The following DLGAP4 variants were observed in gnomAD, a reference collection of about 807,000 sequenced individuals.
The protein encoded by DLGAP4 is disks large-associated protein 4.
A neutral mutation model predicts 86.9 loss-of-function variants in DLGAP4; 18 were observed. That is an observed-to-expected ratio of 0.21 (90% confidence interval 0.14 to 0.31). The LOEUF is 0.31. Ranked by LOEUF, DLGAP4 falls within the 10% of genes least tolerant of loss-of-function variation. DLGAP4 has a pLI of 1.00. For synonymous variants in DLGAP4, 548 were observed against 574.3 expected (o/e 0.95, Z 0.65); for missense variants, 1,085 against 1,362.6 (o/e 0.80, Z 3.21).
At chr20:36,525,312 T>TA (rs2037677633) in intron 11 of DLGAP4, among the ~76,000 whole-genome samples, 1 of 144,586 alleles carries the variant, frequency 6.9e-6, no homozygotes. Context: ...TCTTACCTGT[T>TA]AGGAGGGCTG....
At chr20:36,465,207 A>G (rs1164623248) in intron 7 of DLGAP4, 1 of 143,876 alleles carries the variant, frequency 7.0e-6, no homozygotes, top group African/African-American at 2.6e-5. Flanking sequence ...TTAGATAACT[A>G]GGAAAGCACC....
intron 2 of DLGAP4, among the ~76,000 whole-genome samples, chr20:36,423,343 C>G (rs1278533726): frequency 3.4e-5 from 5 of 148,152 alleles, no homozygotes; most frequent in Non-Finnish European, 7.4e-5. Flanking sequence ...GTAATCCCAG[C>G]TATTGAGGAG....
chr20:36,386,198 C>T (rs984099972), intron 2 of DLGAP4, among the ~76,000 whole-genome samples: 3 of 152,112 alleles, frequency 2.0e-5, no homozygotes, highest in Non-Finnish European at 2.9e-5. Flanking sequence ...AGCAAGCAAG[C>T]GTGACACATT....
At chr20:36,484,801 G>A (rs1022054563) in intron 7 of DLGAP4, among the ~76,000 whole-genome samples, 9 of 152,254 alleles carry the variant, frequency 5.9e-5, no homozygotes, top group African/African-American at 1.9e-4. Context: ...AGCTGCTGCG[G>A]CAGTGATAGA....
At chr20:36,506,308 A>G (rs1291187) in intron 10 of DLGAP4, among the ~76,000 whole-genome samples, 86 of 152,316 alleles carry the variant, frequency 5.6e-4, no homozygotes, top group Non-Finnish European at 1.1e-3. Context: ...GAAGATGTTT[A>G]CCTGCAAAGG....
chr20:36,348,713 G>A (rs782683073), intron 1 of DLGAP4, among the ~76,000 whole-genome samples: 5 of 151,782 alleles, frequency 3.3e-5, no homozygotes, highest in East Asian at 1.9e-4. Context: ...CACTGCTCCC[G>A]GCTGAGCTTA....
At chr20:36,423,837 G>A (rs746520592) in intron 2 of DLGAP4, among the ~76,000 whole-genome samples, 36 of 151,854 alleles carry the variant, frequency 2.4e-4, no homozygotes, top group Non-Finnish European at 4.3e-4. Flanking sequence ...GCGCTCACCT[G>A]TAATCCCAGC....
chr20:36,332,502 C>G (rs1045419309), intron 1 of DLGAP4, among the ~76,000 whole-genome samples: 7 of 152,058 alleles, frequency 4.6e-5, no homozygotes, highest in Non-Finnish European at 1.0e-4. Flanking sequence ...CAGGTCTTCT[C>G]CCTCAGCCTC....
intron 10 of DLGAP4, among the ~76,000 whole-genome samples, chr20:36,517,002 G>A (rs968432604): frequency 2.0e-5 from 3 of 151,620 alleles, no homozygotes; most frequent in Non-Finnish European, 4.4e-5. Context: ...GCCTGACCTC[G>A]TGATCCGCCC....
At chr20:36,446,639 G>C in intron 6 of DLGAP4, 58 bp from the exon 7 acceptor site, 2 of 1,520,424 alleles carry the variant, frequency 1.3e-6, no homozygotes, top group African/African-American at 1.4e-5. Flanking sequence ...ACCAAGAACC[G>C]CTCCCCCCAG....
At chr20:36,477,288 T>C (rs887901047) in intron 7 of DLGAP4, among the ~76,000 whole-genome samples, 1 of 151,284 alleles carries the variant, frequency 6.6e-6, no homozygotes, top group African/African-American at 2.4e-5. Flanking sequence ...TAGAGAGGGG[T>C]TTCACCATGT....
At position 36,431,763 on chromosome 20, in the gene DLGAP4, C is replaced by T. The variant is rs2033136316; in HGVS notation, c.46C>T (p.Leu16=). ...CCGCCCCCGCCACCTCTCCGACAGC[C>T]TAGACCCACCCCACGAGCCCCTGTT... is the stretch of plus-strand genomic sequence containing the variant. The part of the protein sequence containing the change: ...DSRPRHLSDS[L]DPPHEPLFAG... The change falls in exon 3 of 13, where the codon CTA becomes TTA. Residue 16 remains leucine (L), a synonymous_variant. Transcript: ENST00000339266. The surrounding 1 kb of genome is among the most constrained non-coding windows in gnomAD (Gnocchi z 5.1). 7.4e-6 allele frequency: 12 copies of T among 1,612,058 alleles called. No homozygotes were observed. The highest frequency in any genetic ancestry group is 9.3e-6 in the Non-Finnish European group (11 of 1,179,160).
intron 4 of DLGAP4, among the ~76,000 whole-genome samples, chr20:36,438,885 C>G (rs1017417674): frequency 6.6e-6 from 1 of 151,928 alleles, no homozygotes; most frequent in African/African-American, 2.4e-5. Flanking sequence ...TCCCAAATTG[C>G]TGGGATTACA....
intron 10 of DLGAP4, chr20:36,508,872 C>T (rs985941794): frequency 3.3e-5 from 5 of 152,218 alleles, no homozygotes; most frequent in African/African-American, 1.2e-4. Context: ...TCTGATTGCT[C>T]TCCAAAGAGG....
intron 9 of DLGAP4, among the ~76,000 whole-genome samples, chr20:36,499,901 G>C (rs2036063461): frequency 1.3e-5 from 2 of 152,198 alleles, no homozygotes; most frequent in Non-Finnish European, 2.9e-5. Flanking sequence ...GCCATGGCTG[G>C]GCCAGGACAT....
At chr20:36,407,373 C>T (rs919491734) in intron 2 of DLGAP4, among the ~76,000 whole-genome samples, 4 of 152,146 alleles carry the variant, frequency 2.6e-5, no homozygotes, top group Non-Finnish European at 5.9e-5. Flanking sequence ...CCATTCACTT[C>T]TTCCTGCATT....
chr20:36,445,669 TACACAGCTGGGTGGG>T (rs1208209658), intron 6 of DLGAP4, among the ~76,000 whole-genome samples: 1 of 152,158 alleles, frequency 6.6e-6, no homozygotes, highest in Non-Finnish European at 1.5e-5. Context: ...GGCCTGAGGT[TACACAGCTGGGTGGG>T]ACACAGCTGG....
chr20:36,400,502 G>A (rs1490667222), intron 2 of DLGAP4, among the ~76,000 whole-genome samples: 3 of 152,182 alleles, frequency 2.0e-5, no homozygotes, highest in East Asian at 1.9e-4. Flanking sequence ...TTTAAATTAC[G>A]TGTGTAGGTA....
At chr20:36,427,112 G>C (rs2032995161) in intron 2 of DLGAP4, among the ~76,000 whole-genome samples, 1 of 152,086 alleles carries the variant, frequency 6.6e-6, no homozygotes, top group Non-Finnish European at 1.5e-5. Flanking sequence ...GAGCCCAGGA[G>C]ATCAAAGCTG....
Sources: gnomAD v4.1 joint callset for allele counts (sites outside exome capture counted in the v4.1 genomes callset) on GRCh38, gnomAD v4.1.1 for gene constraint, Gnocchi (gnomAD v3.1) non-coding constraint, MANE v1.5 for transcripts, NCBI Gene and HGNC (gene_info 2026-07-23, HGNC 2026-07-21) for gene names.